Variants in POU2F2 observed in about 807,000 individuals in gnomAD.
The protein encoded by POU2F2 is POU domain, class 2, transcription factor 2.
POU2F2 carries 14 observed loss-of-function variants against 63.5 expected under a neutral mutation model. The ratio of observed to expected loss-of-function variants is 0.22; its 90% CI spans 0.15 to 0.34. The LOEUF is 0.34. Ranked by LOEUF, POU2F2 falls within the 10% of genes least tolerant of loss-of-function variation. The pLI, the probability that POU2F2 is intolerant of heterozygous loss-of-function variation, is 1.00. For missense variants in POU2F2, 607 were observed against 815.2 expected, an observed-to-expected ratio of 0.74 and a Z score of 3.11; for synonymous variants, 306 against 348.6, an observed-to-expected ratio of 0.88 and a Z score of 1.36.
At chr19:42,132,519 G>T, upstream of POU2F2, 3 of 1,095,602 alleles carry the variant, frequency 2.7e-6, no homozygotes, top group Non-Finnish European at 2.5e-6. Context: ...CCACAGGGCC[G>T]GTCCGCCCCC....
chr19:42,089,961 C>T lies in POU2F2; in HGVS notation c.*1296G>A, dbSNP rs2076662644. The T allele has an allele frequency of 6.6e-6, 1 of 151,988 alleles. No individual in the cohort carries two copies. The highest frequency in any genetic ancestry group is 2.4e-5 in the African/African-American group (1 of 41,320). The allele number at this position is 151,988 out of a possible 1,614,324, so 9.4% of individuals were successfully genotyped here. ...GGTCTTGTGGGAGTGGTGGCCACCACCGCGCCCTCTCAGATGGGGACCACA... is the reference window on the plus strand; with the variant it reads ...GGTCTTGTGGGAGTGGTGGCCACCATCGCGCCCTCTCAGATGGGGACCACA... On this transcript the variant is annotated 3_prime_UTR_variant, in exon 15 of 15. Transcript: ENST00000692977.
In POU2F2 at chr19:42,099,551, C is replaced by G. The variant is rs757334613; in HGVS notation, c.543G>C (p.Gln181His). 1.9e-6 allele frequency: 3 copies of G among 1,613,956 alleles called. No homozygotes were observed. Among genetic ancestry groups the G allele is most frequent in the Non-Finnish European group, 2.5e-6 (3 of 1,179,828 alleles). ...QQTQGALLTS[Q>H]PRAGLPTQAV... ...CCTGTGTGGGAAGCCCGGCCCGGGG[C>G]TGGGAGGTCAGAAGAGCTCCCTGGG... Residue 181 changes from glutamine to histidine, a missense_variant, in exon 7 of 15, where the codon CAG becomes CAC. Gln to His is a conservative substitution (Grantham distance 24, BLOSUM62 0). Around this residue, in one of 7 missense-constraint regions of POU2F2, gnomAD observed 224 missense variants for 264.3 expected, o/e 0.85. Coordinates refer to ENST00000692977, the MANE Select transcript of POU2F2 (RefSeq NM_001394376.1).
intron 5 of POU2F2, among the ~76,000 whole-genome samples, chr19:42,108,377 G>T (rs2030488495): frequency 6.6e-6 from 1 of 152,134 alleles, no homozygotes; most frequent in South Asian, 2.1e-4. Flanking sequence ...GATTGCTTGA[G>T]CCCAGGAGTT....
At chr19:42,137,041 A>T (rs1274853673), upstream of POU2F2, 2 of 152,252 alleles carry the variant, frequency 1.3e-5, no homozygotes, top group Non-Finnish European at 2.9e-5. Context: ...TGGAGTGGAT[A>T]AAAATACCTT....
chr19:42,133,892 G>A (rs1432889093), upstream of POU2F2, among the ~76,000 whole-genome samples: 3 of 152,078 alleles, frequency 2.0e-5, no homozygotes, highest in South Asian at 2.1e-4. This position sits in a 1 kb window ranked among gnomAD's most constrained non-coding sequence, Gnocchi z 5.1. Flanking sequence ...GACTGCACAC[G>A]TGCCCTGTGC....
chr19:42,097,444 G>A (rs1046351903), intron 7 of POU2F2, among the ~76,000 whole-genome samples: 2 of 151,256 alleles, frequency 1.3e-5, no homozygotes, highest in South Asian at 2.1e-4. Context: ...TGATCCACCC[G>A]CTTTGGCCTC....
Position 42,117,223 on chromosome 19 carries a change from C to G in POU2F2, c.369+27G>C. 1 of 1,452,424 alleles carries G rather than the reference C, an allele frequency of 6.9e-7. No individual in the cohort carries two copies. The highest frequency in any genetic ancestry group is 9.1e-7 in the Non-Finnish European group (1 of 1,100,048). 90.0% of individuals were successfully genotyped at this position (1,452,424 alleles called of 1,614,324 possible). ...ATGAGGGGTGGCTGGTTTGTCCCCT[C>G]GTCCCCATCCTTCCCCAAGTACTTA... is the stretch of plus-strand genomic sequence containing the variant. On this transcript the variant is annotated intron_variant, in intron 5 of 14. Transcript: ENST00000692977. This position sits in a 1 kb window ranked among gnomAD's most constrained non-coding sequence, Gnocchi z 4.4.
At chr19:42,173,769 C>T (rs909818644) in intron 1 of POU2F2, among the ~76,000 whole-genome samples, 1 of 152,128 alleles carries the variant, frequency 6.6e-6, no homozygotes, top group Non-Finnish European at 1.5e-5. Context: ...AAAGATGACA[C>T]TGCAACCTGC....
At chr19:42,126,442 C>CA (rs112862678) in intron 1 of POU2F2, among the ~76,000 whole-genome samples, 1,709 of 99,570 alleles carry the variant, frequency 0.017, 10 homozygotes, top group Middle Eastern at 0.026. Flanking sequence ...GACTCCATCT[C>CA]AAAAAAAAAA....
At chr19:42,125,935 C>A (rs2033156879) in intron 1 of POU2F2, among the ~76,000 whole-genome samples, 1 of 152,220 alleles carries the variant, frequency 6.6e-6, no homozygotes, top group Non-Finnish European at 1.5e-5. Flanking sequence ...GTCCACAGAA[C>A]AGGGCAGCCT....
intron 7 of POU2F2, 56 bp downstream of exon 7, chr19:42,099,471 G>A: frequency 6.8e-7 from 1 of 1,476,262 alleles, no homozygotes; most frequent in Non-Finnish European, 9.5e-7. Context: ...CGTTTACCCA[G>A]CTTTCAGCAG....
chr19:42,178,053 AAGG>A (rs1417003469), upstream of POU2F2, among the ~76,000 whole-genome samples: 1 of 152,032 alleles, frequency 6.6e-6, no homozygotes, highest in Non-Finnish European at 1.5e-5. Context: ...CAAAGAGGAA[AAGG>A]AGAAGGGAGA....
chr19:42,186,345 A>C (rs189812062), intron 1 of POU2F2, among the ~76,000 whole-genome samples: 95 of 152,194 alleles, frequency 6.2e-4, no homozygotes, highest in Middle Eastern at 6.8e-3. Flanking sequence ...AAACAAAAAC[A>C]AAAACAAAAA....
chr19:42,099,374 A>T, intron 7 of POU2F2, 153 bp downstream of exon 7: 1 of 678,388 alleles, frequency 1.5e-6, no homozygotes, highest in South Asian at 1.8e-5. Flanking sequence ...AGACAGGGAG[A>T]TGGGCTTGCC....
chr19:42,175,156 C>G (rs570489915), intron 1 of POU2F2, among the ~76,000 whole-genome samples: 41 of 152,308 alleles, frequency 2.7e-4, no homozygotes, highest in South Asian at 2.3e-3. Context: ...TTCCCCTCCC[C>G]CTCCCAGAGC....
Position 42,122,483 on chromosome 19 carries a change from C to T in POU2F2, c.94+28G>A, listed in dbSNP as rs370265212. ...CCCACTTCCCCTGCCCACGGTGACC[C>T]CTGCCCCCCTGCTCCCTGCCCACCC... is the stretch of plus-strand genomic sequence containing the variant. On this transcript the variant is annotated intron_variant, in intron 2 of 14. Coordinates refer to ENST00000692977, the MANE Select transcript of POU2F2 (RefSeq NM_001394376.1). 13 of 1,608,130 alleles carry T rather than the reference C, an allele frequency of 8.1e-6. No homozygotes were observed. In the Admixed American group the frequency reaches 2.2e-4, roughly 27 times the overall value.
chr19:42,114,637 G>A (rs1055065085), intron 5 of POU2F2, among the ~76,000 whole-genome samples: 5 of 152,228 alleles, frequency 3.3e-5, no homozygotes, highest in Non-Finnish European at 7.3e-5. Flanking sequence ...AAAAGCAGCA[G>A]CCGCGGATCA....
At chr19:42,166,869 A>G (rs1041202889) in intron 1 of POU2F2, among the ~76,000 whole-genome samples, 9 of 152,256 alleles carry the variant, frequency 5.9e-5, no homozygotes, top group Admixed American at 5.9e-4. Context: ...CTGACACAGC[A>G]GACGTCTACC....
chr19:42,176,299 G>C (rs572577838), upstream of POU2F2, among the ~76,000 whole-genome samples: 13 of 152,214 alleles, frequency 8.5e-5, no homozygotes, highest in Middle Eastern at 3.4e-3. Context: ...GTTGCGATGT[G>C]TTTTATTTTC....
Sources: gnomAD v4.1 joint callset for allele counts (sites outside exome capture counted in the v4.1 genomes callset) on GRCh38, gnomAD v4.1.1 for gene constraint, gnomAD v4.1.1 regional missense constraint, Gnocchi (gnomAD v3.1) non-coding constraint, MANE v1.5 for transcripts, NCBI Gene and HGNC (gene_info 2026-07-23, HGNC 2026-07-21) for gene names.